TLE1: variants seen among roughly 807,000 people sequenced by gnomAD.
The protein encoded by TLE1 is transducin-like enhancer protein 1.
In TLE1, 21 loss-of-function variants were observed where a neutral mutation model predicts 89.8. The observed-to-expected ratio is 0.23, with a 90% CI of 0.17 to 0.34. TLE1 has a LOEUF of 0.34. Among genes scored for constraint, TLE1 ranks in the 10% least tolerant of loss-of-function variants. The probability of loss-of-function intolerance (pLI) is 1.00; values close to 1 mark genes in which losing one functional copy is unlikely to be tolerated. For synonymous variants in TLE1, 447 were observed against 407.6 expected (o/e 1.10, Z -1.16); for missense variants, 795 against 1,031.2 (o/e 0.77, Z 3.14).
intron 4 of TLE1, among the ~76,000 whole-genome samples, chr9:81,669,477 G>A (rs987706657): frequency 9.9e-5 from 15 of 152,180 alleles, no homozygotes; most frequent in African/African-American, 3.4e-4. Flanking sequence ...AGTCTGGAAC[G>A]CAATTTTCCA....
At chr9:81,585,379 T>C (rs942564376) in intron 18 of TLE1, 126 bp downstream of exon 18, 15 of 1,228,952 alleles carry the variant, frequency 1.2e-5, no homozygotes, top group Non-Finnish European at 1.6e-5. Flanking sequence ...ATTAAAACAA[T>C]AGAATTATTG....
intron 4 of TLE1, among the ~76,000 whole-genome samples, chr9:81,658,210 G>A (rs1444307587): frequency 6.6e-6 from 1 of 151,932 alleles, no homozygotes; most frequent in Non-Finnish European, 1.5e-5. Context: ...GAGCCACTGT[G>A]CCTGGCCGAT....
intron 4 of TLE1, among the ~76,000 whole-genome samples, chr9:81,683,949 A>T (rs1023559737): frequency 6.6e-6 from 1 of 152,152 alleles, no homozygotes; most frequent in Non-Finnish European, 1.5e-5. Flanking sequence ...ACAGGAACCC[A>T]GAAGAATTAC....
At chr9:81,682,463 G>A (rs1047527802) in intron 4 of TLE1, among the ~76,000 whole-genome samples, 2 of 152,134 alleles carry the variant, frequency 1.3e-5, no homozygotes, top group African/African-American at 4.8e-5. Context: ...GTTCATTACT[G>A]TGCAAATTAA....
intron 4 of TLE1, among the ~76,000 whole-genome samples, chr9:81,680,508 T>C (rs1833478913): frequency 6.6e-6 from 1 of 152,230 alleles, no homozygotes; most frequent in Admixed American, 6.5e-5. Flanking sequence ...TAACTATGTT[T>C]TGTGATTTTC....
At chr9:81,594,250 T>C (rs1460955055) in intron 14 of TLE1, among the ~76,000 whole-genome samples, 2 of 152,156 alleles carry the variant, frequency 1.3e-5, no homozygotes, top group Non-Finnish European at 2.9e-5. Flanking sequence ...CAGAAATCAA[T>C]TGCTGGATAG....
chr9:81,688,094 A>T, intron 1 of TLE1, 123 bp downstream of exon 1: 1 of 1,301,416 alleles, frequency 7.7e-7, no homozygotes, highest in South Asian at 1.3e-5. Context: ...AGACCTCCCC[A>T]GCCTTACACC....
intron 4 of TLE1, among the ~76,000 whole-genome samples, chr9:81,664,708 A>AG (rs1428513978): frequency 7.1e-6 from 1 of 140,872 alleles, no homozygotes; most frequent in East Asian, 2.1e-4. Flanking sequence ...CTTTTAATTA[A>AG]GAAAAAAAAA....
intron 13 of TLE1, 44 bp downstream of exon 13, chr9:81,611,725 G>A (rs776499444): frequency 7.0e-7 from 1 of 1,433,172 alleles, no homozygotes; most frequent in Non-Finnish European, 9.1e-7. Context: ...AATGGAGCAT[G>A]CAGCGTTCCT....
chr9:81,666,809 A>AAATAAAT (rs770061768), intron 4 of TLE1, among the ~76,000 whole-genome samples: 44 of 136,096 alleles, frequency 3.2e-4, no homozygotes, highest in Non-Finnish European at 5.7e-4. Flanking sequence ...ATAAATAAAT[A>AAATAAAT]AAATAAAATA....
chr9:81,622,541 A>G (rs1473965001), intron 8 of TLE1, among the ~76,000 whole-genome samples: 1 of 152,256 alleles, frequency 6.6e-6, no homozygotes, highest in Non-Finnish European at 1.5e-5. Context: ...GTTAGAAACA[A>G]TAACCTTTCC....
At chr9:81,667,338 G>C (rs919290832) in intron 4 of TLE1, among the ~76,000 whole-genome samples, 1 of 143,868 alleles carries the variant, frequency 7.0e-6, no homozygotes, top group Non-Finnish European at 1.5e-5. Flanking sequence ...AGAAGTTGCA[G>C]TGAGCCGAGA....
intron 15 of TLE1, 86 bp downstream of exon 15, chr9:81,592,939 G>A: frequency 6.6e-7 from 1 of 1,506,212 alleles, no homozygotes; most frequent in Non-Finnish European, 8.9e-7. Context: ...CCTCATAATG[G>A]GAATAAAACC....
chr9:81,619,519 G>A (rs186983761), intron 9 of TLE1, among the ~76,000 whole-genome samples: 65 of 152,312 alleles, frequency 4.3e-4, no homozygotes, highest in East Asian at 4.3e-3. Flanking sequence ...CTATAGGCTT[G>A]GGCCAGCCAG....
intron 4 of TLE1, among the ~76,000 whole-genome samples, chr9:81,669,092 A>T (rs1008149774): frequency 1.3e-5 from 2 of 152,212 alleles, no homozygotes; most frequent in African/African-American, 4.8e-5. Context: ...GGGTTGGCTC[A>T]ATAATGCTGC....
chr9:81,588,115 C>A (rs1403303199), intron 16 of TLE1, among the ~76,000 whole-genome samples: 1 of 152,122 alleles, frequency 6.6e-6, no homozygotes, highest in African/African-American at 2.4e-5. Context: ...TCTGACAAAA[C>A]CGTCTGGAAG....
intron 11 of TLE1, among the ~76,000 whole-genome samples, chr9:81,614,460 G>C (rs1458461022): frequency 6.6e-6 from 1 of 152,068 alleles, no homozygotes; most frequent in Non-Finnish European, 1.5e-5. Context: ...AGGGTTACAG[G>C]GCACCTTCTC....
At chr9:81,624,758 G>GT (rs763116993) in intron 8 of TLE1, among the ~76,000 whole-genome samples, 2 of 152,060 alleles carry the variant, frequency 1.3e-5, no homozygotes, top group African/African-American at 4.8e-5. Context: ...TAGACTGTAT[G>GT]TAAGTTTTCA....
At chr9:81,629,606 T>G (rs1306382473) in intron 8 of TLE1, among the ~76,000 whole-genome samples, 1 of 152,186 alleles carries the variant, frequency 6.6e-6, no homozygotes, top group Non-Finnish European at 1.5e-5. Context: ...AAGAAAGCCA[T>G]GTCAGGCAAT....
Sources: gnomAD v4.1 joint callset for allele counts (sites outside exome capture counted in the v4.1 genomes callset) on GRCh38, gnomAD v4.1.1 for gene constraint, MANE v1.5 for transcripts, NCBI Gene and HGNC (gene_info 2026-07-23, HGNC 2026-07-21) for gene names.